Variants in LAMA4 observed in about 807,000 individuals in gnomAD.
The protein encoded by LAMA4 is laminin subunit alpha 4, also known as laminin subunit alpha-4.
A neutral mutation model predicts 207.1 loss-of-function variants in LAMA4; 127 were observed. The ratio of observed to expected loss-of-function variants is 0.61; its 90% CI spans 0.53 to 0.71. LAMA4 has a LOEUF of 0.71. Among genes scored for constraint, LAMA4 ranks in the 30% least tolerant of loss-of-function variants. The pLI, the probability that LAMA4 is intolerant of heterozygous loss-of-function variation, is 0.00. For synonymous variants in LAMA4, 761 were observed against 816.0 expected (o/e 0.93, Z 1.15); for missense variants, 2,093 against 2,246.5 (o/e 0.93, Z 1.38).
intron 9 of LAMA4, among the ~76,000 whole-genome samples, chr6:112,182,083 C>T (rs1262957378): frequency 1.3e-5 from 2 of 149,988 alleles, no homozygotes; most frequent in East Asian, 2.0e-4. Flanking sequence ...GATGACAGAG[C>T]GAGACTCTGT....
chr6:112,185,544 T>G lies in LAMA4; in HGVS notation c.967-197A>C, dbSNP rs189244952. On this transcript the variant is annotated intron_variant, in intron 8 of 38. Transcript: ENST00000230538. ...GGACTGAGGCCCTTAGGGGCTAAAA[T>G]TCTGCAAGCTCCACTCACTAGACCA... Among the ~76,000 whole-genome samples the G allele has an allele frequency of 1.3e-4, 20 of 152,250 alleles. No individual in the cohort carries two copies. The East Asian group carries it at 3.9e-3, about 29-fold the overall frequency.
intron 3 of LAMA4, among the ~76,000 whole-genome samples, chr6:112,214,881 A>G (rs189545465): frequency 3.1e-3 from 476 of 152,356 alleles, no homozygotes; most frequent in Non-Finnish European, 3.9e-3. Context: ...TTGTAAAAAG[A>G]GTGGCTTAGT....
At chr6:112,136,393 G>T in intron 24 of LAMA4, 139 bp from the exon 25 acceptor site, 1 of 743,702 alleles carries the variant, frequency 1.3e-6, no homozygotes, top group Non-Finnish European at 2.2e-6. Context: ...AAATTCTTAT[G>T]AAATAAAAGT....
At chr6:112,233,924 T>C (rs1436553689) in intron 2 of LAMA4, among the ~76,000 whole-genome samples, 2 of 152,192 alleles carry the variant, frequency 1.3e-5, no homozygotes, top group African/African-American at 4.8e-5. Context: ...GCTTACAGTA[T>C]ACTCACATGG....
At chr6:112,158,524 T>C (rs1259967689) in intron 14 of LAMA4, among the ~76,000 whole-genome samples, 1 of 151,466 alleles carries the variant, frequency 6.6e-6, no homozygotes, top group Non-Finnish European at 1.5e-5. Flanking sequence ...TGAACAATGA[T>C]GGACTCTCAG....
At chr6:112,187,624 G>T in intron 7 of LAMA4, 23 bp from the exon 8 acceptor site, 1 of 1,611,816 alleles carries the variant, frequency 6.2e-7, no homozygotes, top group African/African-American at 1.3e-5. Context: ...CATTTCTTCA[G>T]AATCACAAGT....
chr6:112,196,322 TC>T (rs1554350497), intron 5 of LAMA4: 1 of 142,838 alleles, frequency 7.0e-6, no homozygotes, highest in Non-Finnish European at 1.5e-5. Context: ...TCCCTATCCT[TC>T]CCCCATCACT....
chr6:112,240,832 A>C (rs1554187496), intron 2 of LAMA4, among the ~76,000 whole-genome samples: 1 of 152,040 alleles, frequency 6.6e-6, no homozygotes. Flanking sequence ...TGCTATTGTA[A>C]ACAGTGCTGT....
intron 2 of LAMA4, among the ~76,000 whole-genome samples, chr6:112,231,959 CA>C (rs1785593437): frequency 1.3e-5 from 2 of 152,098 alleles, no homozygotes; most frequent in Admixed American, 1.3e-4. Context: ...TTTTATGAGA[CA>C]AATGATAATG....
chr6:112,224,752 G>A (rs893978707), intron 2 of LAMA4, among the ~76,000 whole-genome samples: 1 of 147,610 alleles, frequency 6.8e-6, no homozygotes, highest in Admixed American at 7.0e-5. Context: ...GGAGGCGGAG[G>A]TTGCAGTGAG....
intron 2 of LAMA4, among the ~76,000 whole-genome samples, chr6:112,239,751 C>A (rs761871522): frequency 1.3e-5 from 2 of 152,110 alleles, no homozygotes; most frequent in Non-Finnish European, 1.5e-5. Context: ...AAGGAGTTAG[C>A]AGCCTATGTT....
intron 10 of LAMA4, among the ~76,000 whole-genome samples, chr6:112,176,510 T>C (rs542156957): frequency 5.9e-5 from 9 of 152,348 alleles, no homozygotes; most frequent in African/African-American, 1.9e-4. Flanking sequence ...GCGGTTATTT[T>C]AGAGATGGTT....
chr6:112,120,203 G>T, intron 33 of LAMA4, 80 bp downstream of exon 33: 1 of 1,122,556 alleles, frequency 8.9e-7, no homozygotes, highest in Non-Finnish European at 1.3e-6. Flanking sequence ...TATTTCTAGA[G>T]AGAGTAATGG....
At chr6:112,190,607 T>C (rs1782961403) in intron 6 of LAMA4, among the ~76,000 whole-genome samples, 1 of 152,210 alleles carries the variant, frequency 6.6e-6, no homozygotes, top group Admixed American at 6.5e-5. Flanking sequence ...GTCACCTCAC[T>C]TTTGAAGAGC....
chr6:112,254,348 T>C (rs1453277531), intron 1 of LAMA4, 57 bp from the exon 2 acceptor site: 24 of 521,688 alleles, frequency 4.6e-5, no homozygotes, highest in South Asian at 1.8e-4. Flanking sequence ...TCTCTCTCCC[T>C]CTCTCTCTCT....
rs782783404 is a variant in LAMA4, at chr6:112,134,505, T to C, written c.3519A>G (p.Ile1173Met). 2.5e-6 allele frequency: 4 copies of C among 1,613,258 alleles called. No individual in the cohort carries two copies. Among genetic ancestry groups the C allele is most frequent in the African/African-American group, 2.7e-5 (2 of 75,028 alleles). The change falls in exon 26 of 39, where the codon ATA (isoleucine) becomes ATG (methionine). Residue 1173 changes from isoleucine to methionine, a missense_variant. Around this residue, in one of 3 missense-constraint regions of LAMA4, gnomAD observed 1,704 missense variants for 1,788.4 expected, o/e 0.95. Coordinates refer to ENST00000230538, the MANE Select transcript of LAMA4 (RefSeq NM_001105206.3). ...NEKMKIPFTD[I>M]YIGGAPPEIL... ...TTTCTGGAGGAGCTCCTCCAATGTATATATCTGTAAAAGGTATTTTCATCT... is the reference window on the plus strand; with the variant it reads ...TTTCTGGAGGAGCTCCTCCAATGTACATATCTGTAAAAGGTATTTTCATCT...
chr6:112,235,227 C>T (rs1196126701), intron 2 of LAMA4, among the ~76,000 whole-genome samples: 2 of 152,214 alleles, frequency 1.3e-5, no homozygotes, highest in Admixed American at 1.3e-4. Context: ...CATATCTCAG[C>T]AGATGCTGTT....
chr6:112,192,045 C>T (rs1427116109), intron 5 of LAMA4, among the ~76,000 whole-genome samples, 195 bp from the exon 6 acceptor site: 1 of 152,188 alleles, frequency 6.6e-6, no homozygotes, highest in African/African-American at 2.4e-5. Flanking sequence ...TGTTATAGAT[C>T]ATTTGGTTCA....
chr6:112,231,118 C>T (rs1167559101), intron 2 of LAMA4, among the ~76,000 whole-genome samples: 1 of 152,164 alleles, frequency 6.6e-6, no homozygotes, highest in Non-Finnish European at 1.5e-5. Flanking sequence ...CCTGGAATAC[C>T]CGGGATAAAA....
Sources: gnomAD v4.1 joint callset for allele counts (sites outside exome capture counted in the v4.1 genomes callset) on GRCh38, gnomAD v4.1.1 for gene constraint, gnomAD v4.1.1 regional missense constraint, MANE v1.5 for transcripts, NCBI Gene and HGNC (gene_info 2026-07-23, HGNC 2026-07-21) for gene names.